The following MARCHF1 variants were observed in gnomAD, a reference collection of about 807,000 sequenced individuals.
MARCHF1 encodes membrane associated ring-CH-type finger 1, also known as E3 ubiquitin-protein ligase MARCHF1.
A neutral mutation model predicts 54.2 loss-of-function variants in MARCHF1; 40 were observed. The ratio of observed to expected loss-of-function variants is 0.74; its 90% CI spans 0.57 to 0.96. The LOEUF is 0.96. Ranked by LOEUF, MARCHF1 falls within the 40% of genes least tolerant of loss-of-function variation. MARCHF1 has a pLI of 0.00. For synonymous variants in MARCHF1, 236 were observed against 236.3 expected (o/e 1.00, Z 0.01); for missense variants, 586 against 656.5 (o/e 0.89, Z 1.17).
intron 4 of MARCHF1, among the ~76,000 whole-genome samples, chr4:163,835,911 G>A (rs751085748): frequency 6.6e-6 from 1 of 152,006 alleles, no homozygotes; most frequent in African/African-American, 2.4e-5. Flanking sequence ...TTGGTGATAA[G>A]AAAATAATTT....
intron 5 of MARCHF1, among the ~76,000 whole-genome samples, chr4:163,689,902 A>G (rs1476252837): frequency 1.3e-5 from 2 of 152,218 alleles, no homozygotes; most frequent in Non-Finnish European, 2.9e-5. Flanking sequence ...TTAAATTAAA[A>G]TGGTCCATTT....
intron 1 of MARCHF1, among the ~76,000 whole-genome samples, chr4:164,225,275 G>A (rs781632430): frequency 4.0e-5 from 6 of 151,892 alleles, no homozygotes; most frequent in Admixed American, 6.6e-5. Flanking sequence ...CAAGTATATC[G>A]TCTTTTGCCT....
Position 164,257,709 on chromosome 4 carries a change from T to C in MARCHF1, c.-323+126161A>G, listed in dbSNP as rs112448224. Among the ~76,000 whole-genome samples the C allele has an allele frequency of 1.6e-3, 248 of 152,200 alleles. 1 individual carries two copies. The highest frequency in any genetic ancestry group is 5.7e-3 in the African/African-American group (237 of 41,556). ...GTGGCCAGGCATGGCAGCTCACGCC[T>C]GTAATCCAAGCACATTGGGAAGCCG... On this transcript the variant is annotated intron_variant, in intron 1 of 9. Transcript: ENST00000514618.
At chr4:164,306,950 T>C (rs1662729075) in intron 1 of MARCHF1, among the ~76,000 whole-genome samples, 1 of 152,232 alleles carries the variant, frequency 6.6e-6, no homozygotes, top group Non-Finnish European at 1.5e-5. Flanking sequence ...TACATGCATA[T>C]TTTCTATATT....
intron 4 of MARCHF1, among the ~76,000 whole-genome samples, chr4:163,730,344 C>T (rs1745788805): frequency 6.6e-6 from 1 of 152,076 alleles, no homozygotes; most frequent in African/African-American, 2.4e-5. Context: ...ATCTTTAAGA[C>T]AGCTCTTTTA....
At chr4:163,650,465 T>C (rs1008926595) in intron 5 of MARCHF1, among the ~76,000 whole-genome samples, 1 of 151,928 alleles carries the variant, frequency 6.6e-6, no homozygotes, top group Admixed American at 6.6e-5. Flanking sequence ...TACTGAATTT[T>C]AATGAGGCTT....
chr4:163,826,907 TGA>T (rs1748867022), intron 4 of MARCHF1, among the ~76,000 whole-genome samples: 1 of 152,020 alleles, frequency 6.6e-6, no homozygotes, highest in African/African-American at 2.4e-5. Flanking sequence ...TTAGCAAATC[TGA>T]CTTACAAATG....
At chr4:163,649,140 C>T (rs760352977) in intron 5 of MARCHF1, among the ~76,000 whole-genome samples, 1 of 152,018 alleles carries the variant, frequency 6.6e-6, no homozygotes, top group Non-Finnish European at 1.5e-5. Context: ...TGGTTCAGCA[C>T]ATTCCTGAGA....
intron 1 of MARCHF1, among the ~76,000 whole-genome samples, chr4:164,226,187 T>C (rs1249012802): frequency 1.3e-5 from 2 of 152,086 alleles, no homozygotes; most frequent in African/African-American, 4.8e-5. Context: ...CTAACCCATT[T>C]ACACAAATAG....
chr4:163,749,585 G>A (rs1746459561), intron 4 of MARCHF1, among the ~76,000 whole-genome samples: 1 of 151,870 alleles, frequency 6.6e-6, no homozygotes, highest in African/African-American at 2.4e-5. Context: ...TATCAAATTG[G>A]GGGAATATCT....
At chr4:163,796,812 A>T (rs1747931342) in intron 4 of MARCHF1, among the ~76,000 whole-genome samples, 1 of 152,138 alleles carries the variant, frequency 6.6e-6, no homozygotes, top group South Asian at 2.1e-4. Context: ...ACTTAATAAC[A>T]TATGCAGAAT....
chr4:164,081,025 A>G (rs1014279791), intron 2 of MARCHF1, among the ~76,000 whole-genome samples: 17 of 149,438 alleles, frequency 1.1e-4, no homozygotes, highest in Non-Finnish European at 2.4e-4. Context: ...TGGCTAACAC[A>G]GTGAAACCCC....
At chr4:163,920,995 T>A (rs930984011) in intron 3 of MARCHF1, among the ~76,000 whole-genome samples, 3 of 152,130 alleles carry the variant, frequency 2.0e-5, no homozygotes, top group Non-Finnish European at 4.4e-5. Flanking sequence ...GCTTTAGCAA[T>A]GTAAAATTTG....
At chr4:163,616,844 T>C (rs1401823688) in intron 5 of MARCHF1, among the ~76,000 whole-genome samples, 1 of 152,062 alleles carries the variant, frequency 6.6e-6, no homozygotes, top group Non-Finnish European at 1.5e-5. Flanking sequence ...TGGAAAACAG[T>C]AGGGAAATTT....
At chr4:163,633,243 G>A (rs1024368703) in intron 5 of MARCHF1, among the ~76,000 whole-genome samples, 5 of 152,348 alleles carry the variant, frequency 3.3e-5, no homozygotes, top group South Asian at 2.1e-4. Flanking sequence ...AAAGCTGGAC[G>A]GAGAATGACT....
intron 1 of MARCHF1, among the ~76,000 whole-genome samples, chr4:164,368,262 A>T (rs1026472270): frequency 1.3e-5 from 2 of 151,406 alleles, no homozygotes; most frequent in Admixed American, 6.6e-5. Flanking sequence ...AGATTTTTTT[A>T]AAATCATAAA....
chr4:163,744,309 C>T (rs376087980), intron 4 of MARCHF1, among the ~76,000 whole-genome samples: 23 of 152,110 alleles, frequency 1.5e-4, no homozygotes, highest in African/African-American at 4.8e-4. Context: ...ATTTTAGGTG[C>T]AGAGTTGTAT....
intron 1 of MARCHF1, among the ~76,000 whole-genome samples, chr4:164,324,395 A>G (rs1374873848): frequency 6.6e-6 from 1 of 151,846 alleles, no homozygotes; most frequent in East Asian, 1.9e-4. Context: ...ATTATTGAAC[A>G]TTGATGTGAA....
At chr4:163,587,964 A>G (rs745547085) in intron 7 of MARCHF1, among the ~76,000 whole-genome samples, 25 of 152,162 alleles carry the variant, frequency 1.6e-4, no homozygotes, top group Non-Finnish European at 2.9e-4. Flanking sequence ...AGGGGAAATG[A>G]AATGGCTGCT....
Sources: allele counts gnomAD v4.1 joint callset (sites outside exome capture counted in the v4.1 genomes callset), GRCh38; gene constraint gnomAD v4.1.1; transcripts MANE v1.5; gene names NCBI Gene and HGNC (gene_info 2026-07-23, HGNC 2026-07-21).